PHF24: variants seen among roughly 807,000 people sequenced by gnomAD.
The protein encoded by PHF24 is PHD finger protein 24.
PHF24 carries 25 observed loss-of-function variants against 42.6 expected under a neutral mutation model. That is an observed-to-expected ratio of 0.59 (90% CI 0.43 to 0.82). The LOEUF (loss-of-function observed/expected upper bound fraction) is 0.82. PHF24 is among the 40% of genes least tolerant of loss of function. The probability of loss-of-function intolerance (pLI) is 0.00; values close to 1 mark genes in which losing one functional copy is unlikely to be tolerated. For synonymous variants in PHF24, 185 were observed against 204.8 expected, an observed-to-expected ratio of 0.90 and a Z score of 0.83; for missense variants, 470 against 538.1, an observed-to-expected ratio of 0.87 and a Z score of 1.25.
chr9:34,816,923 G>T, the PHF24 span, among the ~76,000 whole-genome samples: 1 of 152,140 alleles, frequency 6.6e-6, no homozygotes, highest in Non-Finnish European at 1.5e-5. Flanking sequence ...CTCACATGTT[G>T]CCCTTGTCTC....
At chr9:34,787,898 C>T in the PHF24 span, among the ~76,000 whole-genome samples, 1 of 152,270 alleles carries the variant, frequency 6.6e-6, no homozygotes, top group African/African-American at 2.4e-5. Flanking sequence ...TTTACCATTT[C>T]CTCCCTTAGT....
At chr9:34,869,179 T>C in the PHF24 span, among the ~76,000 whole-genome samples, 4 of 152,200 alleles carry the variant, frequency 2.6e-5, no homozygotes, top group African/African-American at 7.2e-5. Flanking sequence ...GTTGATTCCA[T>C]GTCTTTGGTA....
the PHF24 span, among the ~76,000 whole-genome samples, chr9:34,753,998 GT>G: frequency 1.3e-5 from 2 of 151,972 alleles, no homozygotes; most frequent in Non-Finnish European, 2.9e-5. Flanking sequence ...ATTGGGTCTA[GT>G]TTTTAAATTT....
chr9:34,936,831 G>A, the PHF24 span, among the ~76,000 whole-genome samples: 3 of 149,528 alleles, frequency 2.0e-5, no homozygotes, highest in African/African-American at 7.4e-5. Context: ...CCCTCTGCCT[G>A]GCAACCGCCC....
the PHF24 span, among the ~76,000 whole-genome samples, chr9:34,778,144 T>C: frequency 6.6e-6 from 1 of 152,248 alleles, no homozygotes; most frequent in Admixed American, 6.5e-5. Context: ...CTACTCACTA[T>C]TTTGGTTCTT....
chr9:34,851,961 A>G, the PHF24 span, among the ~76,000 whole-genome samples: 1 of 152,178 alleles, frequency 6.6e-6, no homozygotes, highest in Non-Finnish European at 1.5e-5. Flanking sequence ...AGTGCCTTAT[A>G]CAGTTGATGC....
chr9:34,732,634 G>A, the PHF24 span, among the ~76,000 whole-genome samples: 1 of 151,986 alleles, frequency 6.6e-6, no homozygotes, highest in Non-Finnish European at 1.5e-5. Context: ...GAGCCCATTT[G>A]TCCACTTTTG....
chr9:34,873,244 T>A, the PHF24 span, among the ~76,000 whole-genome samples: 10 of 152,014 alleles, frequency 6.6e-5, no homozygotes, highest in African/African-American at 1.4e-4. Flanking sequence ...TTTTGTTGCC[T>A]TTGCTTTTGG....
the PHF24 span, chr9:34,725,766 AAG>A: frequency 6.5e-7 from 1 of 1,549,520 alleles, no homozygotes; most frequent in African/African-American, 1.4e-5. Flanking sequence ...GAAAGTGGGG[AAG>A]AGGGTGGGGC....
the PHF24 span, among the ~76,000 whole-genome samples, chr9:34,868,599 C>T: frequency 0.47 from 72,226 of 152,058 alleles, 17,757 homozygotes; most frequent in Non-Finnish European, 0.54. Flanking sequence ...AGCAAAGGCT[C>T]ATCTTTTATA....
At chr9:34,723,438 T>C in the PHF24 span, 3 of 1,551,636 alleles carry the variant, frequency 1.9e-6, no homozygotes, top group African/African-American at 4.1e-5. Context: ...CCTGTCGGCT[T>C]CTCCGTCTTA....
chr9:34,713,508 CT>C, the PHF24 span, among the ~76,000 whole-genome samples: 8,075 of 152,034 alleles, frequency 0.053, 696 homozygotes, highest in African/African-American at 0.18. Context: ...ACCACCCCCC[CT>C]GCTTGTTATA....
At chr9:34,890,799 A>C in the PHF24 span, among the ~76,000 whole-genome samples, 1 of 152,346 alleles carries the variant, frequency 6.6e-6, no homozygotes, top group East Asian at 1.9e-4. Context: ...AGTTTGGCCA[A>C]GATGGGTGCC....
the PHF24 span, chr9:34,724,863 AATAC>A: frequency 3.9e-6 from 6 of 1,548,616 alleles, no homozygotes; most frequent in Non-Finnish European, 4.4e-6. Context: ...AGCGCCACAT[AATAC>A]AGAGCAGGCA....
chr9:34,835,716 T>G, the PHF24 span: 16 of 1,551,310 alleles, frequency 1.0e-5, no homozygotes, highest in Non-Finnish European at 1.4e-5. Context: ...CCCAGTAATC[T>G]TGTATGCCAT....
the PHF24 span, among the ~76,000 whole-genome samples, chr9:34,902,254 GTATTA>G: frequency 2.6e-5 from 4 of 152,030 alleles, no homozygotes; most frequent in Admixed American, 1.3e-4. Context: ...TGTATAAAAT[GTATTA>G]TCCTATTAAA....
chr9:34,881,446 A>G, the PHF24 span, among the ~76,000 whole-genome samples: 3 of 152,308 alleles, frequency 2.0e-5, no homozygotes, highest in African/African-American at 7.2e-5. Context: ...AAGATCAACA[A>G]AATTGATATA....
the PHF24 span, among the ~76,000 whole-genome samples, chr9:34,891,447 T>C: frequency 6.6e-6 from 1 of 152,204 alleles, no homozygotes; most frequent in African/African-American, 2.4e-5. Context: ...GGACTGGCCC[T>C]CCTGCCACAG....
chr9:34,778,205 C>T, the PHF24 span, among the ~76,000 whole-genome samples: 4 of 152,014 alleles, frequency 2.6e-5, no homozygotes, highest in South Asian at 6.2e-4. Flanking sequence ...TAAGGAGGAA[C>T]AGAAGAATAA....
Sources: gnomAD v4.1 joint callset for allele counts (sites outside exome capture counted in the v4.1 genomes callset) on GRCh38, gnomAD v4.1.1 for gene constraint, MANE v1.5 for transcripts, NCBI Gene and HGNC (gene_info 2026-07-23, HGNC 2026-07-21) for gene names.